Variants in TXNRD2 observed in about 807,000 individuals in gnomAD.
The protein encoded by TXNRD2 is thioredoxin reductase 2.
A neutral mutation model predicts 70.8 loss-of-function variants in TXNRD2; 67 were observed. The ratio of observed to expected loss-of-function variants is 0.95; its 90% confidence interval spans 0.78 to 1.16. The LOEUF is 1.16. Ranked by LOEUF, TXNRD2 falls within the 50% of genes most tolerant of loss-of-function variation. The probability of loss-of-function intolerance (pLI) is 0.00; values close to 1 mark genes in which losing one functional copy is unlikely to be tolerated. For missense variants in TXNRD2, 644 were observed against 719.9 expected (o/e 0.89, Z 1.21); for synonymous variants, 301 against 295.8 (o/e 1.02, Z -0.18).
intron 11 of TXNRD2, among the ~76,000 whole-genome samples, chr22:19,886,085 C>A (rs1052980060): frequency 3.3e-5 from 5 of 152,232 alleles, no homozygotes; most frequent in African/African-American, 7.2e-5. Flanking sequence ...CACAGACACG[C>A]CTGGCCCTGC....
chr22:19,900,228 G>A (rs915113539), intron 8 of TXNRD2, among the ~76,000 whole-genome samples: 3 of 152,114 alleles, frequency 2.0e-5, no homozygotes, highest in African/African-American at 7.2e-5. Context: ...CAGCGAAGGG[G>A]GACCCTGGGA....
chr22:19,928,076 G>A (rs998377542), intron 2 of TXNRD2, among the ~76,000 whole-genome samples: 5 of 151,278 alleles, frequency 3.3e-5, no homozygotes, highest in African/African-American at 1.2e-4. Flanking sequence ...AGACCAGCCT[G>A]GGCAACACAG....
chr22:19,940,704 T>C (rs552227322), intron 1 of TXNRD2, among the ~76,000 whole-genome samples: 1 of 152,298 alleles, frequency 6.6e-6, no homozygotes, highest in East Asian at 1.9e-4. Context: ...CGGGTGCATT[T>C]AACCTTCCTG....
At chr22:19,932,232 CCAGGGTCTTGGTG>C in intron 1 of TXNRD2, 1 of 1,562,142 alleles carries the variant, frequency 6.4e-7, no homozygotes, top group East Asian at 2.3e-5. Flanking sequence ...GTGCACACAG[CCAGGGTCTTGGTG>C]TGCCCAGCTG....
At chr22:19,901,652 C>T (rs7289412) in intron 8 of TXNRD2, among the ~76,000 whole-genome samples, 1,975 of 152,202 alleles carry the variant, frequency 0.013, 41 homozygotes, top group African/African-American at 0.044. Flanking sequence ...AAAAAATGCC[C>T]GAGCAAAATA....
At chr22:19,904,856 C>T (rs1004171027) in intron 8 of TXNRD2, among the ~76,000 whole-genome samples, 4 of 152,198 alleles carry the variant, frequency 2.6e-5, no homozygotes, top group South Asian at 2.1e-4. Context: ...CACCCGACTA[C>T]GGGAGGCACT....
rs77585626 is a variant in TXNRD2, at chr22:19,911,474, A to G, written c.592-27T>C. The G allele has an allele frequency of 3.6e-3, 5,700 of 1,592,930 alleles. 189 individuals carry two copies. In the African/African-American group the frequency reaches 0.066, roughly 18 times the overall value. On this transcript the variant is annotated intron_variant, in intron 7 of 17. Coordinates refer to ENST00000400521, the MANE Select transcript of TXNRD2 (RefSeq NM_006440.5). ...TGTCAAGACAGAAATGACCCCTTGG[A>G]CAAGAGCTCCATTTGGCCTGTCCTA...
chr22:19,878,312 C>A, intron 15 of TXNRD2, 54 bp downstream of exon 15: 1 of 1,606,592 alleles, frequency 6.2e-7, no homozygotes, highest in Non-Finnish European at 8.5e-7. Flanking sequence ...CCCTGCCAGG[C>A]TCTTTGCCAC....
At chr22:19,913,475 T>C (rs1940503851) in intron 7 of TXNRD2, among the ~76,000 whole-genome samples, 1 of 152,172 alleles carries the variant, frequency 6.6e-6, no homozygotes, top group Non-Finnish European at 1.5e-5. Context: ...GTCATCTTCA[T>C]CCAACTTCAC....
intron 1 of TXNRD2, among the ~76,000 whole-genome samples, chr22:19,940,251 A>AAAG (rs1941661867): frequency 6.6e-6 from 1 of 151,218 alleles, no homozygotes; most frequent in Non-Finnish European, 1.5e-5. Flanking sequence ...TCTCAAAAAA[A>AAAG]AAAAAAAAAA....
At chr22:19,929,190 G>A (rs1203522129) in intron 2 of TXNRD2, among the ~76,000 whole-genome samples, 3 of 151,894 alleles carry the variant, frequency 2.0e-5, no homozygotes, top group Admixed American at 6.6e-5. Context: ...AGCCGGGCGT[G>A]GTGGTGGGCG....
At chr22:19,929,326 C>CA (rs34528546) in intron 2 of TXNRD2, among the ~76,000 whole-genome samples, 19,024 of 84,096 alleles carry the variant, frequency 0.23, 1,975 homozygotes, top group Non-Finnish European at 0.27. Flanking sequence ...GACTCCATCT[C>CA]AAAAAAAAAA....
At chr22:19,880,580 G>A in intron 13 of TXNRD2, 42 bp downstream of exon 13, 2 of 1,577,412 alleles carry the variant, frequency 1.3e-6, no homozygotes, top group South Asian at 1.1e-5. Context: ...CTCGAACTCA[G>A]CCTGTCCTAG....
intron 2 of TXNRD2, among the ~76,000 whole-genome samples, chr22:19,925,965 A>G (rs5993873): frequency 0.57 from 85,567 of 151,152 alleles, 24,306 homozygotes; most frequent in East Asian, 0.69. Context: ...TCAGGAGTTC[A>G]AGACCAGCCT....
Position 19,936,872 on chromosome 22 carries a change from G to A in TXNRD2, c.103+4829C>T, listed in dbSNP as rs112861586. 7.0e-3 allele frequency among the ~76,000 whole-genome samples: 1,065 copies of A among 152,020 alleles called. 12 individuals carry two copies. Among genetic ancestry groups the A allele is most frequent in the African/African-American group, 0.024 (1,003 of 41,408 alleles). ...GAAACTTTCATGCAATGCTTATTACGCCAAAACAAACAAGTAGATTAGAGG... is the reference window on the plus strand; with the variant it reads ...GAAACTTTCATGCAATGCTTATTACACCAAAACAAACAAGTAGATTAGAGG... On this transcript the variant is annotated intron_variant, in intron 1 of 17. Coordinates refer to ENST00000400521, the MANE Select transcript of TXNRD2 (RefSeq NM_006440.5).
intron 8 of TXNRD2, among the ~76,000 whole-genome samples, chr22:19,906,721 A>G (rs1940031893): frequency 6.6e-6 from 1 of 152,206 alleles, no homozygotes; most frequent in Non-Finnish European, 1.5e-5. Context: ...AAATACTATC[A>G]CCAAGTCCAA....
intron 12 of TXNRD2, 122 bp downstream of exon 12, chr22:19,883,203 A>C (rs1011169077): frequency 2.3e-6 from 3 of 1,316,292 alleles, no homozygotes; most frequent in African/African-American, 2.9e-5. Flanking sequence ...TTTGGCCCAG[A>C]GCCTCTGTCA....
At position 19,880,263 on chromosome 22, in the gene TXNRD2, C is replaced by T. The variant is rs1292463748; in HGVS notation, c.1191G>A (p.Thr397=). 6.8e-6 allele frequency: 11 copies of T among 1,613,440 alleles called. No homozygotes were observed. Among genetic ancestry groups the T allele is most frequent in the East Asian group, 2.2e-5 (1 of 44,892 alleles). ...SDLMDYDNVP[T]TVFTPLEYGC... ...CATACTCCAGCGGGGTGAAGACGGTCGTGGGAACCTGAAAGCAGGTCTGGA... is the reference window on the plus strand; with the variant it reads ...CATACTCCAGCGGGGTGAAGACGGTTGTGGGAACCTGAAAGCAGGTCTGGA... Residue 397 remains threonine (T), a synonymous_variant, in exon 14 of 18, where the codon ACG becomes ACA. Coordinates refer to ENST00000400521, the MANE Select transcript of TXNRD2 (RefSeq NM_006440.5).
intron 2 of TXNRD2, among the ~76,000 whole-genome samples, chr22:19,920,500 T>G (rs1978055): frequency 6.6e-6 from 1 of 151,690 alleles, no homozygotes; most frequent in Non-Finnish European, 1.5e-5. Flanking sequence ...AGAGAATCGT[T>G]TGAGCCCAAG....
Sources: allele counts gnomAD v4.1 joint callset (sites outside exome capture counted in the v4.1 genomes callset), GRCh38; gene constraint gnomAD v4.1.1; transcripts MANE v1.5; gene names NCBI Gene and HGNC (gene_info 2026-07-23, HGNC 2026-07-21).